Variants in CLIP2 observed in about 807,000 individuals in gnomAD.
CLIP2 encodes CAP-Gly domain containing linker protein 2, also known as CAP-Gly domain-containing linker protein 2.
Under a neutral mutation model 111.7 loss-of-function variants are expected in CLIP2, and 41 were observed. That is an observed-to-expected ratio of 0.37 (90% CI 0.29 to 0.48). The LOEUF (loss-of-function observed/expected upper bound fraction) is 0.48. CLIP2 is among the 20% of genes least tolerant of loss of function. The pLI, the probability that CLIP2 is intolerant of heterozygous loss-of-function variation, is 0.99. For synonymous variants in CLIP2, 660 were observed against 644.2 expected (o/e 1.02, Z -0.37); for missense variants, 1,160 against 1,422.1 (o/e 0.82, Z 2.96).
intron 2 of CLIP2, among the ~76,000 whole-genome samples, chr7:74,325,071 C>T (rs1173197667): frequency 1.3e-5 from 2 of 152,124 alleles, no homozygotes; most frequent in African/African-American, 4.8e-5. Flanking sequence ...CTGGAGTCTG[C>T]TCTGGGAACG....
rs1791762380 is a variant in CLIP2 at position 74,405,844 on chromosome 7, G to GT, written c.*1997dup. 6.6e-6 allele frequency: 1 copy of GT among 152,582 alleles called. No homozygotes were observed. Among genetic ancestry groups the GT allele is most frequent in the South Asian group, 2.1e-4 (1 of 4,834 alleles). 9.5% of individuals were successfully genotyped at this position (152,582 alleles called of 1,614,324 possible). A position where few individuals can be genotyped will look rare whatever the true frequency, so the allele number is the denominator to read the frequency against. ...TGGCTCAGCCATGTCCCCTCCCCAG[G>GT]TCCTTCATTCACCCCTCCCCTCCCC... is the stretch of plus-strand genomic sequence containing the variant. On this transcript the variant is annotated 3_prime_UTR_variant, in exon 17 of 17. Transcript: ENST00000223398.
rs1279196144 is a variant in CLIP2, at chr7:74,325,119, C to T, written c.121+7452C>T. Among the ~76,000 whole-genome samples, 7 of 152,170 alleles carry T rather than the reference C, an allele frequency of 4.6e-5. 1 individual carries two copies. Among genetic ancestry groups the T allele is most frequent in the South Asian group, 2.1e-4 (1 of 4,828 alleles). ...CCTCCCAAAACATGAGCTCAGCCTC[C>T]GGCAGAGGATCTGGCCAAGGGACAG... On this transcript the variant is annotated intron_variant, in intron 2 of 16. Coordinates refer to ENST00000223398, the MANE Select transcript of CLIP2 (RefSeq NM_003388.5).
chr7:74,319,931 AG>A (rs1435223959), intron 2 of CLIP2, among the ~76,000 whole-genome samples: 1 of 151,770 alleles, frequency 6.6e-6, no homozygotes, highest in Admixed American at 6.6e-5. Flanking sequence ...TTGTTTTAAG[AG>A]TGGTGGGGGC....
chr7:74,389,265 G>T lies in CLIP2; in HGVS notation c.2720+6G>T. 1 of 1,579,480 alleles carries T rather than the reference G, an allele frequency of 6.3e-7. No homozygotes were observed. The highest frequency in any genetic ancestry group is 8.6e-7 in the Non-Finnish European group (1 of 1,164,432). ...GAGCTGCTGCGGAAGGAGCGGTGAGGCGGCCGTGGGGCCGGCTGGGTCCTC... is the reference window on the plus strand; with the variant it reads ...GAGCTGCTGCGGAAGGAGCGGTGAGTCGGCCGTGGGGCCGGCTGGGTCCTC... On this transcript the variant is annotated splice_donor_region_variant and intron_variant, in intron 13 of 16. Coordinates refer to ENST00000223398, the MANE Select transcript of CLIP2 (RefSeq NM_003388.5).
intron 8 of CLIP2, chr7:74,364,748 T>C: frequency 2.5e-6 from 1 of 400,744 alleles, no homozygotes; most frequent in South Asian, 1.8e-5. Flanking sequence ...GGGAGCTGGG[T>C]ATGGTGGCTC....
chr7:74,380,239 A>G (rs1334604365), intron 10 of CLIP2: 3 of 152,036 alleles, frequency 2.0e-5, no homozygotes, highest in Non-Finnish European at 2.9e-5. Context: ...GACTTTTGTC[A>G]TAGTGATGTG....
intron 16 of CLIP2, chr7:74,401,782 T>C (rs78642784): frequency 0.019 from 12,993 of 678,808 alleles, 348 homozygotes; most frequent in South Asian, 0.059. Flanking sequence ...AAAAAAGTTA[T>C]AGGTTGGGCG....
chr7:74,397,297 G>T, intron 14 of CLIP2, 64 bp downstream of exon 14: 1 of 1,539,772 alleles, frequency 6.5e-7, no homozygotes, highest in East Asian at 2.3e-5. Flanking sequence ...GGCTAGCCTT[G>T]CTGTCAGGCC....
At chr7:74,301,781 C>T (rs909740168) in intron 1 of CLIP2, among the ~76,000 whole-genome samples, 6 of 151,686 alleles carry the variant, frequency 4.0e-5, no homozygotes, top group Admixed American at 6.6e-5. Flanking sequence ...GGCGTGATCT[C>T]GGCTCACTGC....
intron 7 of CLIP2, among the ~76,000 whole-genome samples, chr7:74,361,166 C>T (rs1486339819): frequency 2.2e-4 from 4 of 18,180 alleles, no homozygotes; most frequent in Admixed American, 5.2e-4. Context: ...CTCCCTCCCT[C>T]CCTCCCTTCT....
At chr7:74,318,296 C>T (rs1788845430) in intron 2 of CLIP2, among the ~76,000 whole-genome samples, 1 of 152,072 alleles carries the variant, frequency 6.6e-6, no homozygotes, top group African/African-American at 2.4e-5. Flanking sequence ...ACCTGGGTGA[C>T]TTGGAGGTGT....
At chr7:74,373,070 G>A in intron 9 of CLIP2, 34 bp downstream of exon 9, 2 of 1,447,084 alleles carry the variant, frequency 1.4e-6, no homozygotes, top group Non-Finnish European at 1.9e-6. Context: ...TGGCCCGCCA[G>A]CCACCTTGCC....
At chr7:74,353,803 G>A in intron 3 of CLIP2, 77 bp from the exon 4 acceptor site, 1 of 1,603,096 alleles carries the variant, frequency 6.2e-7, no homozygotes, top group Non-Finnish European at 8.5e-7. Context: ...GATGGGATAA[G>A]CCTGGGCTGG....
Position 74,373,029 on chromosome 7 carries a change from A to T in CLIP2, c.1478A>T (p.Asp493Val). The T allele has an allele frequency of 6.3e-7, 1 of 1,577,712 alleles. No homozygotes were observed. Among genetic ancestry groups the T allele is most frequent in the Middle Eastern group, 1.7e-4 (1 of 6,028 alleles). Residue 493 changes from aspartate to valine, a missense_variant, in exon 9 of 17, where the codon GAC (aspartate) becomes GTC (valine). Physicochemically the swap from Asp to Val is radical, Grantham distance 152. Coordinates refer to ENST00000223398, the MANE Select transcript of CLIP2 (RefSeq NM_003388.5). ...QAERLLRELADNRLTTVAEKS... is the reference protein window; with the variant it reads ...QAERLLRELAVNRLTTVAEKS... ...GAGCGGCTGCTCCGAGAATTAGCGG[A>T]CAACAGGGTAACCGCGCCACCGCAC...
chr7:74,328,591 G>A lies in CLIP2; in HGVS notation c.122-9857G>A, dbSNP rs1340608431. On this transcript the variant is annotated intron_variant, in intron 2 of 16. Coordinates refer to ENST00000223398, the MANE Select transcript of CLIP2 (RefSeq NM_003388.5). ...GTTGGGAGGGAGAGAGACACAGTGG[G>A]CCCCTTGAGATGGCTGCAGATGAGG... Among the ~76,000 whole-genome samples, 6 of 152,174 alleles carry A rather than the reference G, an allele frequency of 3.9e-5. 1 individual carries two copies. The highest frequency in any genetic ancestry group is 1.4e-4 in the African/African-American group (6 of 41,532).
intron 1 of CLIP2, among the ~76,000 whole-genome samples, chr7:74,302,277 G>A (rs782284810): frequency 1.5e-4 from 23 of 151,800 alleles, no homozygotes; most frequent in African/African-American, 3.9e-4. Flanking sequence ...GTGCAATGGC[G>A]CGATATCAGC....
chr7:74,329,667 C>G (rs782613400), intron 2 of CLIP2, among the ~76,000 whole-genome samples: 1 of 150,752 alleles, frequency 6.6e-6, no homozygotes, highest in Non-Finnish European at 1.5e-5. Flanking sequence ...ACTTTTTTAT[C>G]TGCCCCCAAA....
intron 13 of CLIP2, chr7:74,389,493 A>C (rs1004109369): frequency 5.5e-6 from 2 of 361,926 alleles, no homozygotes; most frequent in Non-Finnish European, 9.8e-6. Flanking sequence ...ACAGTGGCTC[A>C]TGCCTGTAAT....
At chr7:74,341,128 G>A (rs485692) in intron 3 of CLIP2, among the ~76,000 whole-genome samples, 93,008 of 151,968 alleles carry the variant, frequency 0.61, 30,430 homozygotes, top group Middle Eastern at 0.74. Context: ...CTGCGATGTG[G>A]TTTTATCATC....
Sources: gnomAD v4.1 joint callset for allele counts (sites outside exome capture counted in the v4.1 genomes callset) on GRCh38, gnomAD v4.1.1 for gene constraint, MANE v1.5 for transcripts, NCBI Gene and HGNC (gene_info 2026-07-23, HGNC 2026-07-21) for gene names.